VWC2: variants seen among roughly 807,000 people sequenced by gnomAD.
The protein encoded by VWC2 is brorin.
In VWC2, 14 loss-of-function variants were observed where a neutral mutation model predicts 29.8. The ratio of observed to expected loss-of-function variants is 0.47; its 90% confidence interval spans 0.31 to 0.74. VWC2 has a LOEUF of 0.74. Ranked by LOEUF, VWC2 falls within the 30% of genes least tolerant of loss-of-function variation. The pLI is 0.05. For synonymous variants in VWC2, 213 were observed against 199.0 expected (o/e 1.07, Z -0.59); for missense variants, 457 against 459.8 (o/e 0.99, Z 0.05).
At chr7:49,838,679 C>T (rs113939697) in intron 3 of VWC2, among the ~76,000 whole-genome samples, 2,201 of 152,102 alleles carry the variant, frequency 0.014, 35 homozygotes, top group African/African-American at 0.036. Flanking sequence ...ACCAACATCT[C>T]CATAAGGTTA....
chr7:49,858,711 A>T (rs1299714978), intron 3 of VWC2, among the ~76,000 whole-genome samples: 3 of 152,170 alleles, frequency 2.0e-5, no homozygotes, highest in East Asian at 1.9e-4. Context: ...ATAATAATAA[A>T]AAAAAGAAAG....
intron 3 of VWC2, among the ~76,000 whole-genome samples, chr7:49,906,997 T>G (rs1308108615): frequency 6.6e-6 from 1 of 152,044 alleles, no homozygotes; most frequent in African/African-American, 2.4e-5. Context: ...AAGTGACCCA[T>G]CAATAGAGTC....
chr7:49,789,056 A>AGGTG (rs1788384702), intron 2 of VWC2, among the ~76,000 whole-genome samples: 1 of 119,646 alleles, frequency 8.4e-6, no homozygotes, highest in African/African-American at 3.3e-5. Context: ...GTGTGGGTGT[A>AGGTG]TGTGTGGGTG....
At chr7:49,902,491 T>C (rs1308559182) in intron 3 of VWC2, among the ~76,000 whole-genome samples, 1 of 151,804 alleles carries the variant, frequency 6.6e-6, no homozygotes, top group African/African-American at 2.4e-5. Flanking sequence ...AAGGGTAGTT[T>C]TTTGTTTGTT....
intron 3 of VWC2, among the ~76,000 whole-genome samples, chr7:49,835,475 A>G (rs1789635003): frequency 6.6e-6 from 1 of 152,214 alleles, no homozygotes; most frequent in Non-Finnish European, 1.5e-5. Flanking sequence ...AACACTTGTT[A>G]AAGAGGGCAA....
chr7:49,911,751 G>A (rs1288176618), intron 3 of VWC2, among the ~76,000 whole-genome samples: 1 of 151,734 alleles, frequency 6.6e-6, no homozygotes, highest in African/African-American at 2.4e-5. Context: ...ACAAAAACTA[G>A]CTGGGTATAG....
At chr7:49,785,022 T>C (rs1397996767) in intron 2 of VWC2, among the ~76,000 whole-genome samples, 2 of 152,154 alleles carry the variant, frequency 1.3e-5, no homozygotes, top group African/African-American at 2.4e-5. Context: ...ATAAAGAAAA[T>C]GCTGGAATAA....
intron 2 of VWC2, among the ~76,000 whole-genome samples, chr7:49,784,724 A>G (rs1056145816): frequency 6.6e-6 from 1 of 152,218 alleles, no homozygotes; most frequent in Non-Finnish European, 1.5e-5. Flanking sequence ...AGCCCAATTC[A>G]TGCTTCCCTG....
At chr7:49,777,911 G>A (rs1234866743) in intron 2 of VWC2, among the ~76,000 whole-genome samples, 3 of 151,980 alleles carry the variant, frequency 2.0e-5, no homozygotes, top group South Asian at 2.1e-4. Context: ...TAACATCATC[G>A]GCTCTTCTAA....
chr7:49,884,710 C>T (rs1374476632), intron 3 of VWC2, among the ~76,000 whole-genome samples: 1 of 152,132 alleles, frequency 6.6e-6, no homozygotes, highest in Non-Finnish European at 1.5e-5. Flanking sequence ...GTGAGATTTA[C>T]AGCCCAAACT....
chr7:49,802,787 A>C lies in VWC2; in HGVS notation c.773A>C (p.Glu258Ala). 1 of 1,614,180 alleles carries C rather than the reference A, an allele frequency of 6.2e-7. No homozygotes were observed. The highest frequency in any genetic ancestry group is 8.5e-7 in the Non-Finnish European group (1 of 1,180,024). The change falls in exon 3 of 4, where the codon GAG (glutamate) becomes GCG (alanine). Residue 258 changes from glutamate (E) to alanine (A), a missense_variant. Around this residue, in one of 2 missense-constraint regions of VWC2, gnomAD observed 185 missense variants for 257.1 expected, o/e 0.72. Transcript: ENST00000340652. ...ACAGTGTCAGCGTGTCCCCAGACGG[A>C]GTGTGTGGACCCTGTGTACGAGCCT... is the stretch of plus-strand genomic sequence containing the variant. ...LCTVSACPQT[E>A]CVDPVYEPDQ...
At chr7:49,870,927 C>A (rs1791122712) in intron 3 of VWC2, among the ~76,000 whole-genome samples, 2 of 152,134 alleles carry the variant, frequency 1.3e-5, no homozygotes, top group African/African-American at 4.8e-5. Context: ...TACGGAACTG[C>A]TCCAGGAAAT....
rs3062198 is a variant in VWC2 at position 49,862,726 on chromosome 7, G to GT, written c.827-49297dup. On this transcript the variant is annotated intron_variant, in intron 3 of 3. Coordinates refer to ENST00000340652, the MANE Select transcript of VWC2 (RefSeq NM_198570.5). ...TCTGCATCAATTGAGATGACCATGA[G>GT]TTTTTTTTTTTCATTCTTCATTCTG... Among the ~76,000 whole-genome samples, 1,385 of 143,390 alleles carry GT rather than the reference G, an allele frequency of 9.7e-3. 23 individuals carry two copies. The highest frequency in any genetic ancestry group is 0.032 in the African/African-American group (1,256 of 39,200). 94.1% of individuals were successfully genotyped at this position (143,390 alleles called of 152,430 possible). A position where few individuals can be genotyped will look rare whatever the true frequency, so the allele number is the denominator to read the frequency against.
At chr7:49,776,874 G>A (rs1583617644) in intron 2 of VWC2, among the ~76,000 whole-genome samples, 1 of 152,240 alleles carries the variant, frequency 6.6e-6, no homozygotes, top group Non-Finnish European at 1.5e-5. Context: ...AACAGACACA[G>A]AATATTTAAA....
At chr7:49,791,856 A>T (rs1403862060) in intron 2 of VWC2, among the ~76,000 whole-genome samples, 1 of 152,210 alleles carries the variant, frequency 6.6e-6, no homozygotes, top group Non-Finnish European at 1.5e-5. Flanking sequence ...CAAGCTCAAG[A>T]AGTACTGATA....
chr7:49,803,281 G>A (rs747354956), intron 3 of VWC2, among the ~76,000 whole-genome samples: 4 of 152,220 alleles, frequency 2.6e-5, no homozygotes, highest in Non-Finnish European at 5.9e-5. Flanking sequence ...TATTCCCAGT[G>A]AGAGCCCCTG....
rs1397394141 is a variant in VWC2, at chr7:49,919,470, C to T, written c.*7285C>T. On this transcript the variant is annotated 3_prime_UTR_variant, in exon 4 of 4. Transcript: ENST00000340652. ...GCTAGTGATAAAATTATGAAGTTAC[C>T]ATTGTATGTTCCAATGACATAAAAA... The T allele has an allele frequency of 6.6e-6, 1 of 152,040 alleles. No individual in the cohort carries two copies. The highest frequency in any genetic ancestry group is 1.5e-5 in the Non-Finnish European group (1 of 68,014). The allele number at this position is 152,040 out of a possible 1,614,324, so 9.4% of individuals were successfully genotyped here. A position where few individuals can be genotyped will look rare whatever the true frequency, so the allele number is the denominator to read the frequency against.
intron 2 of VWC2, among the ~76,000 whole-genome samples, chr7:49,786,797 G>C (rs569852644): frequency 1.3e-5 from 2 of 152,140 alleles, no homozygotes; most frequent in Admixed American, 6.5e-5. Context: ...AGAAGTGTCT[G>C]TTCATGTCTC....
chr7:49,885,397 T>C (rs1257768585), intron 3 of VWC2, among the ~76,000 whole-genome samples: 1 of 152,084 alleles, frequency 6.6e-6, no homozygotes, highest in Non-Finnish European at 1.5e-5. Context: ...ATTATGTTCA[T>C]AAAAATTAAG....
Sources: gnomAD v4.1 joint callset for allele counts (sites outside exome capture counted in the v4.1 genomes callset) on GRCh38, gnomAD v4.1.1 for gene constraint, gnomAD v4.1.1 regional missense constraint, MANE v1.5 for transcripts, NCBI Gene and HGNC (gene_info 2026-07-23, HGNC 2026-07-21) for gene names.